Variants in SYT9 observed in about 807,000 individuals in gnomAD.
SYT9 encodes the protein synaptotagmin-9.
In SYT9, 22 loss-of-function variants were observed where a neutral mutation model predicts 48.4. That is an observed-to-expected ratio of 0.45 (90% CI 0.32 to 0.65). SYT9 has a LOEUF of 0.65. Ranked by LOEUF, SYT9 falls within the 30% of genes least tolerant of loss-of-function variation. SYT9 has a pLI of 0.03. For synonymous variants in SYT9, 265 were observed against 245.0 expected (o/e 1.08, Z -0.76); for missense variants, 577 against 622.0 (o/e 0.93, Z 0.77).
Position 7,356,071 on chromosome 11 carries a change from T to C in SYT9, c.1044+42130T>C, listed in dbSNP as rs143625394. ...AAATCATTCCAAAGGGATGATAGTT[T>C]CTTTTCTGCTCATGATCTGTTTCAG... On this transcript the variant is annotated intron_variant, in intron 3 of 6. Coordinates refer to ENST00000318881, the MANE Select transcript of SYT9 (RefSeq NM_175733.4). Among the ~76,000 whole-genome samples, 360 of 152,362 alleles carry C rather than the reference T, an allele frequency of 2.4e-3. 1 individual carries two copies. Among genetic ancestry groups the C allele is most frequent in the African/African-American group, 8.3e-3 (344 of 41,582 alleles).
At chr11:7,317,001 C>A (rs867843784) in intron 3 of SYT9, among the ~76,000 whole-genome samples, 1 of 152,196 alleles carries the variant, frequency 6.6e-6, no homozygotes, top group African/African-American at 2.4e-5. Flanking sequence ...AGTTGGGATG[C>A]AAATCCCTTG....
At chr11:7,424,935 A>G (rs1014579643) in intron 6 of SYT9, among the ~76,000 whole-genome samples, 3 of 152,354 alleles carry the variant, frequency 2.0e-5, no homozygotes, top group East Asian at 1.9e-4. Context: ...TTATGGTACA[A>G]TATGCCCAGA....
At chr11:7,431,868 T>C (rs540457662) in intron 6 of SYT9, among the ~76,000 whole-genome samples, 3 of 152,332 alleles carry the variant, frequency 2.0e-5, no homozygotes, top group Admixed American at 2.0e-4. Context: ...CTGCCTGGAT[T>C]TCAGAGGGTG....
chr11:7,435,298 G>T (rs4313569), intron 6 of SYT9: 79,801 of 152,104 alleles, frequency 0.52, 21,633 homozygotes, highest in African/African-American at 0.65. Flanking sequence ...AGATGCTTGA[G>T]AGCAAGATAG....
chr11:7,467,123 A>G lies in SYT9; in HGVS notation c.*323A>G, dbSNP rs754990831. 1.2e-5 allele frequency: 4 copies of G among 322,080 alleles called. No homozygotes were observed. Among genetic ancestry groups the G allele is most frequent in the African/African-American group, 2.1e-5 (1 of 46,906 alleles). 20.0% of individuals were successfully genotyped at this position (322,080 alleles called of 1,614,324 possible). A position where few individuals can be genotyped will look rare whatever the true frequency, so the allele number is the denominator to read the frequency against. On this transcript the variant is annotated 3_prime_UTR_variant, in exon 7 of 7. Transcript: ENST00000318881. ...TACCAGGACTCAATGTTTCATATGA[A>G]GCCCTTGGTGATGAGGACATAGCAT... is the stretch of plus-strand genomic sequence containing the variant.
chr11:7,326,524 C>A (rs1849438941), intron 3 of SYT9, among the ~76,000 whole-genome samples: 1 of 151,182 alleles, frequency 6.6e-6, no homozygotes, highest in East Asian at 2.0e-4. Flanking sequence ...ATTAGTCTTG[C>A]TAGCGGTCTA....
chr11:7,463,347 C>A (rs1848266655), intron 6 of SYT9, among the ~76,000 whole-genome samples: 1 of 134,504 alleles, frequency 7.4e-6, no homozygotes, highest in South Asian at 2.2e-4. Flanking sequence ...ATGGAAAAAT[C>A]TTTCTTTTCT....
chr11:7,265,942 T>C (rs1848172994), intron 1 of SYT9, among the ~76,000 whole-genome samples: 1 of 152,152 alleles, frequency 6.6e-6, no homozygotes, highest in African/African-American at 2.4e-5. Flanking sequence ...GCTTGATTCC[T>C]GTAGGCTATA....
chr11:7,246,433 A>G (rs1277473449), intron 1 of SYT9, among the ~76,000 whole-genome samples: 1 of 152,230 alleles, frequency 6.6e-6, no homozygotes, highest in Non-Finnish European at 1.5e-5. Flanking sequence ...AGAAGAATAC[A>G]TATTTGTTCA....
chr11:7,277,845 G>T (rs1848426402), intron 1 of SYT9, among the ~76,000 whole-genome samples: 1 of 152,186 alleles, frequency 6.6e-6, no homozygotes, highest in African/African-American at 2.4e-5. Context: ...TGCTGAGAAA[G>T]GCACAGTGCT....
chr11:7,268,520 G>A (rs1193666631), intron 1 of SYT9, among the ~76,000 whole-genome samples: 1 of 151,916 alleles, frequency 6.6e-6, no homozygotes, highest in East Asian at 1.9e-4. Flanking sequence ...ATACAGCTTT[G>A]TATTAAAAAT....
chr11:7,431,464 C>CA (rs1847568390), intron 6 of SYT9, among the ~76,000 whole-genome samples: 1 of 152,226 alleles, frequency 6.6e-6, no homozygotes, highest in Non-Finnish European at 1.5e-5. Context: ...AAAAGCTTTT[C>CA]AAGACAGAAA....
chr11:7,406,143 G>A (rs1020893916), intron 3 of SYT9, among the ~76,000 whole-genome samples: 10 of 152,052 alleles, frequency 6.6e-5, no homozygotes, highest in African/African-American at 2.4e-4. Context: ...CCATTATCTT[G>A]AGTATTTATC....
At chr11:7,271,878 T>A (rs1171947436) in intron 1 of SYT9, among the ~76,000 whole-genome samples, 1 of 152,132 alleles carries the variant, frequency 6.6e-6, no homozygotes, top group Admixed American at 6.5e-5. Context: ...ACCTGGCCTG[T>A]GCTTGGTCTT....
intron 1 of SYT9, among the ~76,000 whole-genome samples, chr11:7,302,368 C>T (rs560127167): frequency 3.5e-4 from 54 of 152,268 alleles, no homozygotes; most frequent in Middle Eastern, 6.8e-3. Flanking sequence ...GTTTCCTTCT[C>T]CTTCTAAATA....
chr11:7,283,162 TATACAC>T (rs924090109), intron 1 of SYT9, among the ~76,000 whole-genome samples: 4 of 146,598 alleles, frequency 2.7e-5, no homozygotes, highest in African/African-American at 1.0e-4. Flanking sequence ...TATATATATA[TATACAC>T]ACACACACAC....
At chr11:7,258,703 G>A (rs1197515058) in intron 1 of SYT9, among the ~76,000 whole-genome samples, 2 of 152,088 alleles carry the variant, frequency 1.3e-5, no homozygotes, top group Non-Finnish European at 2.9e-5. Flanking sequence ...TAAAATGGGA[G>A]TGGAAGATTG....
chr11:7,357,852 T>C (rs553492671), intron 3 of SYT9, among the ~76,000 whole-genome samples: 1 of 152,068 alleles, frequency 6.6e-6, no homozygotes, highest in African/African-American at 2.4e-5. Context: ...ATTTATATAT[T>C]AATTCGACTA....
intron 3 of SYT9, among the ~76,000 whole-genome samples, chr11:7,399,438 A>T (rs954899921): frequency 7.9e-5 from 12 of 152,252 alleles, no homozygotes; most frequent in African/African-American, 2.9e-4. Context: ...ATCTATCATG[A>T]TTCAATGAAA....
Sources: gnomAD v4.1 joint callset for allele counts (sites outside exome capture counted in the v4.1 genomes callset) on GRCh38, gnomAD v4.1.1 for gene constraint, MANE v1.5 for transcripts, NCBI Gene and HGNC (gene_info 2026-07-23, HGNC 2026-07-21) for gene names.